Variants in CDH12 observed in about 807,000 individuals in gnomAD.
CDH12 encodes the protein cadherin-12.
CDH12 carries 41 observed loss-of-function variants against 74.1 expected under a neutral mutation model. The ratio of observed to expected loss-of-function variants is 0.55; its 90% CI spans 0.43 to 0.72. The LOEUF (loss-of-function observed/expected upper bound fraction) is 0.72, where lower values mean the gene tolerates loss of function less well. CDH12 is among the 30% of genes least tolerant of loss of function. CDH12 has a pLI of 0.00. For missense variants in CDH12, 945 were observed against 977.2 expected, an observed-to-expected ratio of 0.97 and a Z score of 0.44; for synonymous variants, 399 against 355.0, an observed-to-expected ratio of 1.12 and a Z score of -1.39.
intron 1 of CDH12, among the ~76,000 whole-genome samples, chr5:22,812,666 C>T (rs1749207953): frequency 6.6e-6 from 1 of 152,078 alleles, no homozygotes; most frequent in Non-Finnish European, 1.5e-5. Flanking sequence ...AGCAAGGATT[C>T]AAAGAACTGG....
At chr5:22,839,481 G>A (rs143828219) in intron 1 of CDH12, among the ~76,000 whole-genome samples, 1,833 of 150,138 alleles carry the variant, frequency 0.012, 43 homozygotes, top group African/African-American at 0.043. Flanking sequence ...ACAGCCTCCC[G>A]AGTAGCTGGG....
At chr5:22,143,072 C>A (rs1015534701) in intron 4 of CDH12, 5 of 158,558 alleles carry the variant, frequency 3.2e-5, no homozygotes, top group Non-Finnish European at 2.8e-5. Context: ...AAATCATAGG[C>A]TTTTTCTGTG....
chr5:22,536,330 C>A (rs1274140912), intron 1 of CDH12, among the ~76,000 whole-genome samples: 10 of 152,116 alleles, frequency 6.6e-5, no homozygotes, highest in African/African-American at 2.4e-4. Context: ...GGGTTTTCAA[C>A]ATAGTAAATG....
chr5:21,772,229 T>C (rs565541492), intron 11 of CDH12, among the ~76,000 whole-genome samples: 4 of 152,264 alleles, frequency 2.6e-5, no homozygotes, highest in South Asian at 4.1e-4. Flanking sequence ...AATGTGTACC[T>C]CTTTGCTTCA....
chr5:22,717,890 A>G (rs912126793), intron 1 of CDH12, among the ~76,000 whole-genome samples: 5 of 152,166 alleles, frequency 3.3e-5, no homozygotes, highest in African/African-American at 1.2e-4. Flanking sequence ...GATCTTGCCT[A>G]AAAACTAATA....
chr5:22,731,648 G>A (rs1744435959), intron 1 of CDH12, among the ~76,000 whole-genome samples: 1 of 151,778 alleles, frequency 6.6e-6, no homozygotes, highest in Non-Finnish European at 1.5e-5. Flanking sequence ...AGCATTTCAA[G>A]TTTACTTATG....
At chr5:22,115,503 C>T (rs1031742501) in intron 4 of CDH12, among the ~76,000 whole-genome samples, 1 of 152,030 alleles carries the variant, frequency 6.6e-6, no homozygotes, top group African/African-American at 2.4e-5. Context: ...ACTGGTTGTA[C>T]TTCTGTTTGA....
chr5:21,879,299 T>C (rs1752115806), intron 6 of CDH12, among the ~76,000 whole-genome samples: 1 of 147,722 alleles, frequency 6.8e-6, no homozygotes, highest in Non-Finnish European at 1.5e-5. Flanking sequence ...TTAACCACTT[T>C]GAACTTTTTA....
At chr5:22,574,349 A>G (rs1739679482) in intron 1 of CDH12, among the ~76,000 whole-genome samples, 1 of 152,028 alleles carries the variant, frequency 6.6e-6, no homozygotes, top group Non-Finnish European at 1.5e-5. Flanking sequence ...TCTAAAATTC[A>G]TCACCGTCTT....
chr5:22,641,873 AT>A (rs911802191), intron 1 of CDH12, among the ~76,000 whole-genome samples: 48 of 152,300 alleles, frequency 3.2e-4, no homozygotes, highest in African/African-American at 1.1e-3. Flanking sequence ...ATGCCTAATA[AT>A]GAAGCAACTC....
At chr5:22,264,042 A>G (rs1753619531) in intron 3 of CDH12, among the ~76,000 whole-genome samples, 2 of 151,670 alleles carry the variant, frequency 1.3e-5, no homozygotes, top group Non-Finnish European at 2.9e-5. Context: ...TTAAAGAACC[A>G]CATTGCTCTG....
At chr5:22,244,803 AAATT>A (rs1752889674) in intron 3 of CDH12, among the ~76,000 whole-genome samples, 1 of 137,520 alleles carries the variant, frequency 7.3e-6, no homozygotes, top group Admixed American at 7.2e-5. Context: ...AAAGAAAGAA[AAATT>A]CAAAGTAGGA....
At position 21,752,096 on chromosome 5, in the gene CDH12, C is replaced by T. The variant is rs1221586757; in HGVS notation, c.2026G>A (p.Gly676Arg). Residue 676 changes from glycine (G) to arginine (R), a missense_variant, in exon 15 of 15, where the codon GGG (glycine) becomes AGG (arginine). By Grantham distance (125) the Gly-to-Arg change is moderately radical. Coordinates refer to ENST00000382254, the MANE Select transcript of CDH12 (RefSeq NM_004061.5). ...ATCACTTTTGGGTTTCTCAGAGCCC[C>T]GATGTCGAAAGCCTGGGTATCTTCC... ...GEEDTQAFDI[G>R]ALRNPKVIEE... The T allele has an allele frequency of 6.8e-6, 11 of 1,614,054 alleles. No individual in the cohort carries two copies. The highest frequency in any genetic ancestry group is 2.2e-5 in the East Asian group (1 of 44,866).
At chr5:22,788,153 T>A (rs1382803782) in intron 1 of CDH12, among the ~76,000 whole-genome samples, 1 of 152,212 alleles carries the variant, frequency 6.6e-6, no homozygotes, top group African/African-American at 2.4e-5. Context: ...TCCTGTATTT[T>A]ATTTTCTTTT....
intron 1 of CDH12, among the ~76,000 whole-genome samples, chr5:22,766,615 T>C (rs1746528148): frequency 1.3e-5 from 2 of 152,090 alleles, no homozygotes; most frequent in Admixed American, 1.3e-4. Context: ...CAGCTTAATA[T>C]GTCCAGTTGG....
At chr5:22,263,369 G>C (rs1032939554) in intron 3 of CDH12, among the ~76,000 whole-genome samples, 8 of 152,040 alleles carry the variant, frequency 5.3e-5, no homozygotes, top group Admixed American at 2.0e-4. Flanking sequence ...AAAGAGTAGG[G>C]TAAAGGATAG....
At chr5:22,755,627 G>T (rs1745854839) in intron 1 of CDH12, among the ~76,000 whole-genome samples, 1 of 152,100 alleles carries the variant, frequency 6.6e-6, no homozygotes, top group Admixed American at 6.5e-5. Context: ...AGAAAAAAAC[G>T]ATTTACTTAA....
intron 6 of CDH12, among the ~76,000 whole-genome samples, chr5:21,873,123 T>C (rs1174880013): frequency 6.6e-6 from 1 of 152,160 alleles, no homozygotes; most frequent in Admixed American, 6.6e-5. Context: ...GTAATGATAA[T>C]ATAATTTTAG....
At chr5:22,833,206 G>T (rs180747838) in intron 1 of CDH12, among the ~76,000 whole-genome samples, 1 of 152,232 alleles carries the variant, frequency 6.6e-6, no homozygotes, top group Non-Finnish European at 1.5e-5. Flanking sequence ...AATACAAAAA[G>T]ATCTGGAATC....
Sources: allele counts gnomAD v4.1 joint callset (sites outside exome capture counted in the v4.1 genomes callset), GRCh38; gene constraint gnomAD v4.1.1; transcripts MANE v1.5; gene names NCBI Gene and HGNC (gene_info 2026-07-23, HGNC 2026-07-21).